DNAH2: variants seen among roughly 807,000 people sequenced by gnomAD.
The protein encoded by DNAH2 is axonemal beta dynein heavy chain 2.
DNAH2 carries 323 observed loss-of-function variants against 523.5 expected under a neutral mutation model. The observed-to-expected ratio is 0.62, with a 90% CI of 0.56 to 0.68. The LOEUF is 0.68. Among genes scored for constraint, DNAH2 ranks in the 30% least tolerant of loss-of-function variants. The pLI, the probability that DNAH2 is intolerant of heterozygous loss-of-function variation, is 0.00. For synonymous variants in DNAH2, 2,093 were observed against 2,177.4 expected, an observed-to-expected ratio of 0.96 and a Z score of 1.08; for missense variants, 4,907 against 5,701.5, an observed-to-expected ratio of 0.86 and a Z score of 4.49.
Position 7,798,454 on chromosome 17 carries a change from C to T in DNAH2, c.8399-104C>T, listed in dbSNP as rs1004185271. On this transcript the variant is annotated intron_variant, in intron 54 of 85. Transcript: ENST00000572933. This position sits in a 1 kb window ranked among gnomAD's most constrained non-coding sequence, Gnocchi z 5.5. ...CCGTGTTGGGTGTAGGATGGTGTCG[C>T]GTGTATGCTGCGGGGCGGGGAGGGT... 36 of 1,545,552 alleles carry T rather than the reference C, an allele frequency of 2.3e-5. No individual in the cohort carries two copies. Among genetic ancestry groups the T allele is most frequent in the African/African-American group, 1.2e-4 (9 of 73,952 alleles).
At chr17:7,799,383 G>A (rs549011412) in intron 56 of DNAH2, 141 bp downstream of exon 56, 594 of 1,242,870 alleles carry the variant, frequency 4.8e-4, no homozygotes, top group Non-Finnish European at 5.8e-4. Context: ...TCCTTAGGCT[G>A]TGCCTGATTT....
chr17:7,787,267 T>C, intron 42 of DNAH2: 1 of 599,754 alleles, frequency 1.7e-6, no homozygotes, highest in East Asian at 2.9e-5. Flanking sequence ...CTGTGTAGGC[T>C]TGGGCGGCCC....
intron 58 of DNAH2, among the ~76,000 whole-genome samples, chr17:7,803,290 A>G (rs1360011955): frequency 6.6e-6 from 1 of 152,198 alleles, no homozygotes; most frequent in Non-Finnish European, 1.5e-5. Flanking sequence ...CCCCCTTGTC[A>G]GGTTCAGTTA....
chr17:7,804,868 G>A (rs1457371577), intron 59 of DNAH2, 90 bp from the exon 60 acceptor site: 1 of 1,172,628 alleles, frequency 8.5e-7, no homozygotes, highest in East Asian at 2.4e-5. Flanking sequence ...AAATTCTTTA[G>A]CTTTCTCTTT....
In DNAH2 at chr17:7,794,257, A is replaced by G. The variant is rs772689917; in HGVS notation, c.7573A>G (p.Met2525Val). 4.4e-6 allele frequency: 7 copies of G among 1,605,482 alleles called. No individual in the cohort carries two copies. In the Admixed American group the frequency reaches 1.0e-4, roughly 23 times the overall value. The change falls in exon 49 of 86, where the codon ATG becomes GTG. Residue 2525 changes from methionine to valine, a missense_variant. Transcript: ENST00000572933. ...CCTCCTTGTCGCTGCTCTCTAGGAA[A>G]TGTTCCTGATGGCTGCCATGGGCCC... ...TKQTIKYIREMFLMAAMGPPG... is the reference protein window; with the variant it reads ...TKQTIKYIREVFLMAAMGPPG...
Position 7,779,236 on chromosome 17 carries a change from C to G in DNAH2, c.5542-7C>G. Reference sequence around the variant, plus strand: ...CGCTCCCAGTGACTCTGCCTTGCACCCCGCAGACTGGAGCTTGGGGCTGCT... The same window carrying G: ...CGCTCCCAGTGACTCTGCCTTGCACGCCGCAGACTGGAGCTTGGGGCTGCT... On this transcript the variant is annotated splice_polypyrimidine_tract_variant and splice_region_variant and intron_variant, in intron 35 of 85. Coordinates refer to ENST00000572933, the MANE Select transcript of DNAH2 (RefSeq NM_020877.5). The G allele has an allele frequency of 6.2e-7, 1 of 1,613,596 alleles. No homozygotes were observed. Among genetic ancestry groups the G allele is most frequent in the Non-Finnish European group, 8.5e-7 (1 of 1,179,870 alleles).
chr17:7,719,492 C>G (rs1208090345), intron 1 of DNAH2, among the ~76,000 whole-genome samples: 2 of 152,110 alleles, frequency 1.3e-5, no homozygotes, highest in Non-Finnish European at 2.9e-5. Flanking sequence ...GATTTTTAGC[C>G]CAGTGCCCCG....
intron 4 of DNAH2, among the ~76,000 whole-genome samples, chr17:7,728,075 T>G (rs1356692258): frequency 6.6e-6 from 1 of 152,174 alleles, no homozygotes; most frequent in Non-Finnish European, 1.5e-5. Flanking sequence ...CCTTGTATAT[T>G]ATACTCGAGA....
Position 7,737,306 on chromosome 17 carries a change from G to T in DNAH2, c.1170+48G>T, listed in dbSNP as rs1475971868. 2.5e-6 allele frequency: 4 copies of T among 1,584,750 alleles called. No homozygotes were observed. The Admixed American group carries it at 5.1e-5, about 20-fold the overall frequency. On this transcript the variant is annotated intron_variant, in intron 8 of 85. Transcript: ENST00000572933. ...ATGGAGGGGTTTATGAGGGTGGCCG[G>T]GTTTTCTGAAGCAGGGGGAATGCAT... is the stretch of plus-strand genomic sequence containing the variant.
At chr17:7,749,306 CCCAAAAAAA>C (rs2075607020) in intron 12 of DNAH2, among the ~76,000 whole-genome samples, 15 of 3,498 alleles carry the variant, frequency 4.3e-3, no homozygotes, top group Admixed American at 0.021. Flanking sequence ...TAAACTCCCC[CCCAAAAAAA>C]AAAAAAAAAA....
chr17:7,811,299 G>GA (rs1370651015), intron 63 of DNAH2, among the ~76,000 whole-genome samples: 1 of 152,172 alleles, frequency 6.6e-6, no homozygotes, highest in Non-Finnish European at 1.5e-5. Context: ...CCCCTAGGGA[G>GA]AAATTAAATT....
rs143780608 is a variant in DNAH2 at position 7,788,449 on chromosome 17, A to T, written c.6900+205A>T. Among the ~76,000 whole-genome samples the T allele has an allele frequency of 6.0e-4, 91 of 152,244 alleles. 2 individuals are homozygous for T. The East Asian group carries it at 0.014, about 24-fold the overall frequency. ...GTGTGTGCACGTGTGCATTGAGCTG[A>T]AAGGTCTGACTAGGGGTTCTGAATT... On this transcript the variant is annotated intron_variant, in intron 44 of 85. Transcript: ENST00000572933.
chr17:7,822,585 C>T (rs1325613455), intron 73 of DNAH2, among the ~76,000 whole-genome samples: 1 of 151,962 alleles, frequency 6.6e-6, no homozygotes, highest in African/African-American at 2.4e-5. Flanking sequence ...TCCTATTTTT[C>T]CTTGGCACTG....
intron 5 of DNAH2, among the ~76,000 whole-genome samples, chr17:7,733,518 C>T (rs1186496598): frequency 7.5e-6 from 1 of 133,598 alleles, no homozygotes; most frequent in African/African-American, 2.8e-5. Context: ...CACCCTGTTG[C>T]CCAGGCTGGA....
chr17:7,743,068 C>T lies in DNAH2; in HGVS notation c.1830C>T (p.Cys610=), dbSNP rs1839560906. ...GGACATCAAGTCTGGACAAGGATTG[C>T]ATTCGGCGGTTGGATACCCCATTGC... is the stretch of plus-strand genomic sequence containing the variant. ...QEWTSSLDKD[C]IRRLDTPLLR... The change falls in exon 12 of 86, where the codon TGC becomes TGT. Residue 610 remains cysteine, a synonymous_variant. Transcript: ENST00000572933. 1.9e-6 allele frequency: 3 copies of T among 1,538,508 alleles called. No homozygotes were observed. Among genetic ancestry groups the T allele is most frequent in the Non-Finnish European group, 2.6e-6 (3 of 1,148,536 alleles).
In DNAH2 at chr17:7,831,570, G is replaced by A. The variant is rs1336502660; in HGVS notation, c.12611+29G>A. 1 of 1,614,044 alleles carries A rather than the reference G, an allele frequency of 6.2e-7. No individual in the cohort carries two copies. Among genetic ancestry groups the A allele is most frequent in the African/African-American group, 1.3e-5 (1 of 75,030 alleles). On this transcript the variant is annotated intron_variant, in intron 81 of 85. Transcript: ENST00000572933. This position sits in a 1 kb window ranked among gnomAD's most constrained non-coding sequence, Gnocchi z 4.2. ...AGACAGAGGGGGACTCTGCGGAACA[G>A]GGGAGGGTGTGAGGAGAAGCCTTTG...
intron 48 of DNAH2, 72 bp from the exon 49 acceptor site, chr17:7,794,182 C>T (rs1478011745): frequency 2.7e-6 from 3 of 1,119,208 alleles, no homozygotes; most frequent in East Asian, 2.7e-5. Flanking sequence ...CTCCTTTTCA[C>T]CTGGCCTGTG....
Position 7,812,820 on chromosome 17 carries a change from G to A in DNAH2, c.9730-3751G>A, listed in dbSNP as rs989132386. 3.0e-5 allele frequency among the ~76,000 whole-genome samples: 4 copies of A among 135,566 alleles called. No individual in the cohort carries two copies. In the Admixed American group the frequency reaches 3.1e-4, roughly 11 times the overall value. The allele number at this position is 135,566 out of a possible 152,430, so 88.9% of individuals were successfully genotyped here. A position where few individuals can be genotyped will look rare whatever the true frequency, so the allele number is the denominator to read the frequency against. ...AAGCTGGGCGTGGTGGTGGGCACCTGTAATCCTAGCTACTAGGGAGGCTGA... is the reference window on the plus strand; with the variant it reads ...AAGCTGGGCGTGGTGGTGGGCACCTATAATCCTAGCTACTAGGGAGGCTGA... On this transcript the variant is annotated intron_variant, in intron 63 of 85. Transcript: ENST00000572933.
chr17:7,748,738 CA>C (rs2075585170), intron 12 of DNAH2, among the ~76,000 whole-genome samples: 1 of 152,014 alleles, frequency 6.6e-6, no homozygotes, highest in Admixed American at 6.5e-5. Context: ...TCAAGCCATC[CA>C]CCCACCTCAG....
Sources: gnomAD v4.1 joint callset for allele counts (sites outside exome capture counted in the v4.1 genomes callset) on GRCh38, gnomAD v4.1.1 for gene constraint, Gnocchi (gnomAD v3.1) non-coding constraint, MANE v1.5 for transcripts, NCBI Gene and HGNC (gene_info 2026-07-23, HGNC 2026-07-21) for gene names.